The following COBL variants were observed in gnomAD, a reference collection of about 807,000 sequenced individuals.
The protein encoded by COBL is cordon-bleu WH2 repeat protein, also known as protein cordon-bleu.
In COBL, 51 loss-of-function variants were observed where a neutral mutation model predicts 98.8. That is an observed-to-expected ratio of 0.52 (90% confidence interval 0.41 to 0.65). The LOEUF (loss-of-function observed/expected upper bound fraction) is 0.65, where lower values mean the gene tolerates loss of function less well. Among genes scored for constraint, COBL ranks in the 30% least tolerant of loss-of-function variants. The pLI is 0.00. For synonymous variants in COBL, 634 were observed against 651.7 expected, an observed-to-expected ratio of 0.97 and a Z score of 0.41; for missense variants, 1,617 against 1,617.5, an observed-to-expected ratio of 1.00 and a Z score of 0.01.
At chr7:51,310,207 G>C (rs564099471) in intron 1 of COBL, among the ~76,000 whole-genome samples, 15 of 152,314 alleles carry the variant, frequency 9.8e-5, no homozygotes, top group Non-Finnish European at 1.6e-4. Context: ...ACCTGTGTCT[G>C]GCAGCACTGG....
chr7:51,098,081 A>G (rs1244637825), intron 6 of COBL, among the ~76,000 whole-genome samples: 2 of 151,634 alleles, frequency 1.3e-5, no homozygotes, highest in Non-Finnish European at 2.9e-5. Context: ...AGACTTGCAC[A>G]CTGAAAACTA....
At chr7:51,107,867 T>C (rs1313253458) in intron 6 of COBL, among the ~76,000 whole-genome samples, 5 of 152,200 alleles carry the variant, frequency 3.3e-5, no homozygotes, top group Admixed American at 1.3e-4. Flanking sequence ...AGAGATTTAA[T>C]AGCATCTGCC....
chr7:51,127,923 T>C (rs1453310610), intron 6 of COBL, among the ~76,000 whole-genome samples: 1 of 152,144 alleles, frequency 6.6e-6, no homozygotes, highest in Non-Finnish European at 1.5e-5. Context: ...GGAAACAGAG[T>C]GCTCCCACGG....
intron 8 of COBL, 23 bp from the exon 9 acceptor site, chr7:51,030,932 G>A (rs746295508): frequency 2.1e-6 from 3 of 1,449,772 alleles, no homozygotes; most frequent in Non-Finnish European, 1.9e-6. Context: ...AAAGAGAAAG[G>A]AGCACTCATT....
At chr7:51,210,166 C>A (rs1033106028) in intron 2 of COBL, among the ~76,000 whole-genome samples, 1 of 152,178 alleles carries the variant, frequency 6.6e-6, no homozygotes, top group Non-Finnish European at 1.5e-5. Flanking sequence ...CCTGCCCCAC[C>A]CTGTGAAGGC....
At position 51,070,812 on chromosome 7, in the gene COBL, C is replaced by T. The variant is rs1023906674; in HGVS notation, c.1096+14354G>A. 15 of 152,106 alleles carry T rather than the reference C, an allele frequency of 9.9e-5. 1 individual carries two copies. The highest frequency in any genetic ancestry group is 9.8e-4 in the Admixed American group (15 of 15,272). 9.4% of individuals were successfully genotyped at this position (152,106 alleles called of 1,614,324 possible). A position where few individuals can be genotyped will look rare whatever the true frequency, so the allele number is the denominator to read the frequency against. On this transcript the variant is annotated intron_variant, in intron 7 of 12. Coordinates refer to ENST00000265136, the MANE Select transcript of COBL (RefSeq NM_015198.5). The stretch of plus-strand genomic sequence containing the variant: ...TAAAATGTCAGTGAGTAAACAGTAA[C>T]GACTTTTCCAAATTGTTTCATCTAC...
At chr7:51,182,084 G>A (rs1789024094) in intron 5 of COBL, among the ~76,000 whole-genome samples, 1 of 152,142 alleles carries the variant, frequency 6.6e-6, no homozygotes, top group African/African-American at 2.4e-5. Context: ...AAGACACAAA[G>A]AGAACAACTA....
chr7:51,061,932 A>T (rs903382288), intron 7 of COBL, among the ~76,000 whole-genome samples: 8 of 103,804 alleles, frequency 7.7e-5, no homozygotes, highest in Non-Finnish European at 1.1e-4. Context: ...ATAAAAAAAA[A>T]TCTCTCCCCA....
At chr7:51,297,533 A>G (rs1249353075) in intron 1 of COBL, among the ~76,000 whole-genome samples, 1 of 151,886 alleles carries the variant, frequency 6.6e-6, no homozygotes, top group Non-Finnish European at 1.5e-5. Flanking sequence ...CTGGGATTAA[A>G]GGCACCTGCC....
chr7:51,213,881 C>G (rs1792734166), intron 2 of COBL, among the ~76,000 whole-genome samples: 1 of 152,078 alleles, frequency 6.6e-6, no homozygotes. Flanking sequence ...TGTGAGGGCT[C>G]TCATGATGTG....
intron 6 of COBL, among the ~76,000 whole-genome samples, chr7:51,119,255 A>G (rs577153322): frequency 1.3e-5 from 2 of 152,254 alleles, no homozygotes; most frequent in African/African-American, 4.8e-5. Context: ...GGTTCTCATT[A>G]CCATATATAT....
intron 3 of COBL, 99 bp downstream of exon 3, chr7:51,193,280 C>T (rs1299615579): frequency 9.5e-7 from 1 of 1,056,708 alleles, no homozygotes; most frequent in Non-Finnish European, 1.4e-6. Flanking sequence ...TCAGCCACAG[C>T]TCTCTGCACT....
intron 1 of COBL, among the ~76,000 whole-genome samples, chr7:51,239,589 T>C (rs2129119760): frequency 6.6e-6 from 1 of 152,336 alleles, no homozygotes; most frequent in South Asian, 2.1e-4. Flanking sequence ...TTTTGTTTCT[T>C]TACTTCTCTA....
intron 5 of COBL, among the ~76,000 whole-genome samples, chr7:51,152,213 C>T (rs924845043): frequency 6.6e-6 from 1 of 152,176 alleles, no homozygotes; most frequent in Non-Finnish European, 1.5e-5. Flanking sequence ...AGATGACCAG[C>T]GCTCCAGAGA....
intron 1 of COBL, among the ~76,000 whole-genome samples, chr7:51,303,908 G>C (rs1802229361): frequency 2.0e-5 from 3 of 152,082 alleles, no homozygotes. Context: ...AGAACATATG[G>C]GACAGGCTGC....
chr7:51,119,753 G>A (rs1472373663), intron 6 of COBL, among the ~76,000 whole-genome samples: 1 of 152,050 alleles, frequency 6.6e-6, no homozygotes, highest in Non-Finnish European at 1.5e-5. Context: ...ATCAATATAG[G>A]ACTTAAAATA....
chr7:51,044,604 G>A (rs1317027051), intron 7 of COBL, among the ~76,000 whole-genome samples: 1 of 152,162 alleles, frequency 6.6e-6, no homozygotes, highest in African/African-American at 2.4e-5. Context: ...CAGGACATAT[G>A]ATCTAAGCAC....
chr7:51,029,619 A>C (rs1787960116), intron 9 of COBL, 28 bp from the exon 10 acceptor site: 2 of 1,552,336 alleles, frequency 1.3e-6, no homozygotes, highest in Non-Finnish European at 1.7e-6. Context: ...CACAAATCAC[A>C]GATGTTTCCC....
At chr7:51,214,334 T>C (rs980424937) in intron 2 of COBL, among the ~76,000 whole-genome samples, 5 of 151,504 alleles carry the variant, frequency 3.3e-5, no homozygotes, top group Non-Finnish European at 7.4e-5. Context: ...ATGCTGGTTG[T>C]GTCCTTTGAC....
Sources: gnomAD v4.1 joint callset for allele counts (sites outside exome capture counted in the v4.1 genomes callset) on GRCh38, gnomAD v4.1.1 for gene constraint, MANE v1.5 for transcripts, NCBI Gene and HGNC (gene_info 2026-07-23, HGNC 2026-07-21) for gene names.